The following OPCML variants were observed in gnomAD, a reference collection of about 807,000 sequenced individuals.
OPCML encodes opioid binding protein/cell adhesion molecule like.
Under a neutral mutation model 37.8 loss-of-function variants are expected in OPCML, and 13 were observed. The ratio of observed to expected loss-of-function variants is 0.34; its 90% CI spans 0.22 to 0.55. OPCML has a LOEUF of 0.55. OPCML is among the 20% of genes least tolerant of loss of function. OPCML has a pLI of 0.91. For synonymous variants in OPCML, 176 were observed against 168.8 expected, an observed-to-expected ratio of 1.04 and a Z score of -0.33; for missense variants, 341 against 435.6, an observed-to-expected ratio of 0.78 and a Z score of 1.93.
chr11:132,508,827 T>C (rs1184537074), intron 4 of OPCML, among the ~76,000 whole-genome samples: 1 of 152,210 alleles, frequency 6.6e-6, no homozygotes. Context: ...CTTGGGTATG[T>C]CTTTATCAGC....
chr11:133,188,514 G>C (rs1565493337), intron 1 of OPCML, among the ~76,000 whole-genome samples: 1 of 151,986 alleles, frequency 6.6e-6, no homozygotes. Context: ...CTCTTCCATA[G>C]AAAATAGAAG....
intron 1 of OPCML, among the ~76,000 whole-genome samples, chr11:133,283,936 C>T (rs1942228911): frequency 6.6e-6 from 1 of 152,070 alleles, no homozygotes; most frequent in Non-Finnish European, 1.5e-5. Context: ...TGACACTCTC[C>T]TGGATCGCTT....
intron 2 of OPCML, among the ~76,000 whole-genome samples, chr11:132,706,898 C>T (rs1341201159): frequency 1.3e-5 from 2 of 152,192 alleles, no homozygotes; most frequent in Non-Finnish European, 2.9e-5. Flanking sequence ...CTTTGTTCTT[C>T]AAGGCTTCGT....
intron 4 of OPCML, among the ~76,000 whole-genome samples, chr11:132,489,441 C>A (rs1018083509): frequency 2.0e-5 from 3 of 152,236 alleles, no homozygotes; most frequent in Admixed American, 6.5e-5. Context: ...ATACAAAGAC[C>A]AGTAACGATC....
In OPCML at chr11:132,710,640, G is replaced by T. The variant is rs993017268; in HGVS notation, c.147-53321C>A. On this transcript the variant is annotated intron_variant, in intron 2 of 7. Transcript: ENST00000524381. ...GGCCAAGGCAGGTGGATCATTTGAG[G>T]CCAGGACTTTGAGACCAGCTTGGCC... is the stretch of plus-strand genomic sequence containing the variant. 7.9e-5 allele frequency among the ~76,000 whole-genome samples: 12 copies of T among 151,398 alleles called. No homozygotes were observed. In the East Asian group the frequency reaches 2.3e-3, roughly 29 times the overall value.
chr11:132,942,682 T>G (rs1322934506), intron 2 of OPCML, among the ~76,000 whole-genome samples: 1 of 152,172 alleles, frequency 6.6e-6, no homozygotes, highest in Non-Finnish European at 1.5e-5. Context: ...CAAAGAACCA[T>G]GGAGTCCCAC....
At chr11:133,152,465 G>C (rs1949999807) in intron 1 of OPCML, among the ~76,000 whole-genome samples, 1 of 152,046 alleles carries the variant, frequency 6.6e-6, no homozygotes, top group African/African-American at 2.4e-5. Context: ...ACATCGACCG[G>C]GAAGAATGTC....
intron 3 of OPCML, among the ~76,000 whole-genome samples, chr11:132,573,969 A>G (rs1591571021): frequency 6.6e-6 from 1 of 151,890 alleles, no homozygotes; most frequent in East Asian, 1.9e-4. Flanking sequence ...GTATGTTCCT[A>G]GAAATGTATG....
At chr11:132,703,527 C>T (rs1943912845) in intron 2 of OPCML, among the ~76,000 whole-genome samples, 1 of 152,164 alleles carries the variant, frequency 6.6e-6, no homozygotes, top group South Asian at 2.1e-4. Context: ...CTGTCTTTGC[C>T]AGGGAAGTCA....
chr11:132,457,436 C>T (rs2512715), intron 4 of OPCML, among the ~76,000 whole-genome samples: 69,477 of 152,102 alleles, frequency 0.46, 17,642 homozygotes, highest in East Asian at 0.86. Flanking sequence ...GAGATTCATG[C>T]TTTAACAAAT....
chr11:132,754,640 A>T (rs768757998), intron 2 of OPCML, among the ~76,000 whole-genome samples: 1 of 152,136 alleles, frequency 6.6e-6, no homozygotes, highest in Non-Finnish European at 1.5e-5. Context: ...GAACTGGGAG[A>T]TTCTCCTGAG....
chr11:133,251,682 A>G (rs1463571621), intron 1 of OPCML, among the ~76,000 whole-genome samples: 1 of 152,156 alleles, frequency 6.6e-6, no homozygotes, highest in East Asian at 1.9e-4. Context: ...CAGAAAAGTC[A>G]GTATCAAAGA....
intron 1 of OPCML, among the ~76,000 whole-genome samples, chr11:133,334,723 G>A (rs1416869990): frequency 1.3e-5 from 2 of 152,192 alleles, no homozygotes; most frequent in Non-Finnish European, 2.9e-5. Context: ...CAAGCAGACC[G>A]AGCCCTGCTC....
At chr11:132,965,635 C>T (rs548045246) in intron 1 of OPCML, among the ~76,000 whole-genome samples, 86 of 152,202 alleles carry the variant, frequency 5.7e-4, no homozygotes, top group African/African-American at 1.9e-3. Flanking sequence ...TGAGTTCAAG[C>T]GATTCTCCTG....
At chr11:132,624,680 G>A (rs1322421666) in intron 3 of OPCML, among the ~76,000 whole-genome samples, 1 of 152,090 alleles carries the variant, frequency 6.6e-6, no homozygotes, top group Non-Finnish European at 1.5e-5. Context: ...ATTGATCATA[G>A]TTTCTAGTCG....
At chr11:132,918,797 G>GA (rs11315177) in intron 2 of OPCML, among the ~76,000 whole-genome samples, 1 of 151,370 alleles carries the variant, frequency 6.6e-6, no homozygotes, top group Admixed American at 6.6e-5. Context: ...CACCAGGGTT[G>GA]AAAAAAAACA....
intron 1 of OPCML, among the ~76,000 whole-genome samples, chr11:133,181,550 A>T (rs1937833954): frequency 1.3e-5 from 2 of 152,094 alleles, no homozygotes; most frequent in African/African-American, 4.8e-5. Flanking sequence ...TCTCAAAACC[A>T]AACTCCAGGG....
chr11:132,533,977 T>A (rs2096333353), intron 3 of OPCML, among the ~76,000 whole-genome samples: 1 of 152,202 alleles, frequency 6.6e-6, no homozygotes, highest in African/African-American at 2.4e-5. Context: ...ACACAATGAC[T>A]GACATGCAGT....
intron 2 of OPCML, among the ~76,000 whole-genome samples, chr11:132,852,001 T>C (rs1475420922): frequency 1.3e-5 from 2 of 152,188 alleles, no homozygotes; most frequent in African/African-American, 4.8e-5. Flanking sequence ...ATTCTGACCT[T>C]CCCTTTTCTT....
Sources: gnomAD v4.1 joint callset for allele counts (sites outside exome capture counted in the v4.1 genomes callset) on GRCh38, gnomAD v4.1.1 for gene constraint, MANE v1.5 for transcripts, NCBI Gene and HGNC (gene_info 2026-07-23, HGNC 2026-07-21) for gene names.